Variants in HPSE2 observed in about 807,000 individuals in gnomAD.
HPSE2 encodes the protein heparanase 2 (inactive).
HPSE2 carries 38 observed loss-of-function variants against 60.5 expected under a neutral mutation model. The ratio of observed to expected loss-of-function variants is 0.63; its 90% CI spans 0.48 to 0.82. The LOEUF is 0.82. Ranked by LOEUF, HPSE2 falls within the 40% of genes least tolerant of loss-of-function variation. The pLI, the probability that HPSE2 is intolerant of heterozygous loss-of-function variation, is 0.00. For missense variants in HPSE2, 713 were observed against 740.4 expected, an observed-to-expected ratio of 0.96 and a Z score of 0.43; for synonymous variants, 295 against 293.2, an observed-to-expected ratio of 1.01 and a Z score of -0.06.
intron 3 of HPSE2, among the ~76,000 whole-genome samples, chr10:99,122,336 C>A (rs1461612517): frequency 6.6e-6 from 1 of 151,848 alleles, no homozygotes; most frequent in African/African-American, 2.4e-5. Context: ...TTTCAATCTT[C>A]TTTTGGGGAT....
At chr10:99,163,357 GAAATA>G (rs1457920156) in intron 2 of HPSE2, among the ~76,000 whole-genome samples, 3 of 151,920 alleles carry the variant, frequency 2.0e-5, no homozygotes, top group African/African-American at 7.3e-5. Context: ...TTTATTTAAA[GAAATA>G]AAATAGTTCA....
intron 6 of HPSE2, among the ~76,000 whole-genome samples, chr10:98,675,637 A>G (rs1298953116): frequency 6.6e-6 from 1 of 151,758 alleles, no homozygotes; most frequent in African/African-American, 2.4e-5. Context: ...CTGAGGTGGG[A>G]GGATAACTTA....
At chr10:98,475,337 G>A (rs895089268) in intron 11 of HPSE2, among the ~76,000 whole-genome samples, 1 of 152,074 alleles carries the variant, frequency 6.6e-6, no homozygotes, top group Non-Finnish European at 1.5e-5. Flanking sequence ...AGCCAGGATG[G>A]TCTTGATCTC....
At chr10:98,965,677 C>T (rs997378138) in intron 3 of HPSE2, among the ~76,000 whole-genome samples, 2 of 152,158 alleles carry the variant, frequency 1.3e-5, no homozygotes, top group African/African-American at 4.8e-5. Context: ...AACCTACCTA[C>T]TCTATGAAGT....
chr10:98,753,097 T>A (rs766210260), intron 3 of HPSE2, among the ~76,000 whole-genome samples: 31 of 152,236 alleles, frequency 2.0e-4, no homozygotes, highest in African/African-American at 7.2e-4. Context: ...TAATTACAGT[T>A]ACATAGGAGG....
At chr10:98,545,066 A>C (rs1017596554) in intron 9 of HPSE2, among the ~76,000 whole-genome samples, 2 of 152,202 alleles carry the variant, frequency 1.3e-5, no homozygotes, top group Non-Finnish European at 2.9e-5. Context: ...GAAATGGATA[A>C]ATTCCTCGAC....
intron 3 of HPSE2, among the ~76,000 whole-genome samples, chr10:98,773,938 T>G (rs1950291082): frequency 6.6e-6 from 1 of 152,044 alleles, no homozygotes; most frequent in African/African-American, 2.4e-5. Context: ...ATGCCTGTAG[T>G]TCCACCTACT....
intron 3 of HPSE2, among the ~76,000 whole-genome samples, chr10:98,762,005 C>G: frequency 6.7e-6 from 1 of 149,528 alleles, no homozygotes; most frequent in African/African-American, 2.5e-5. Context: ...CCTGTCTTCC[C>G]CTCCCCTCCC....
At chr10:98,815,813 TAG>T (rs773963511) in intron 3 of HPSE2, among the ~76,000 whole-genome samples, 1 of 152,020 alleles carries the variant, frequency 6.6e-6, no homozygotes, top group Non-Finnish European at 1.5e-5. Context: ...CGTTCTATGT[TAG>T]AGTTGGCCAA....
intron 3 of HPSE2, among the ~76,000 whole-genome samples, chr10:98,964,192 TTG>T (rs1354493065): frequency 2.0e-5 from 3 of 152,252 alleles, no homozygotes; most frequent in African/African-American, 4.8e-5. Context: ...TTTCCTAAAT[TTG>T]TGTCTTTTAT....
chr10:99,283,142 C>T, the HPSE2 span, among the ~76,000 whole-genome samples: 13 of 148,718 alleles, frequency 8.7e-5, no homozygotes, highest in Non-Finnish European at 1.2e-4. Flanking sequence ...GCCAAGATCA[C>T]GCCACTGCAC....
At chr10:99,287,479 G>T in the HPSE2 span, among the ~76,000 whole-genome samples, 2 of 152,142 alleles carry the variant, frequency 1.3e-5, no homozygotes, top group African/African-American at 4.8e-5. Context: ...CTCAGTCATT[G>T]GCTGGGAGCA....
chr10:98,580,072 C>A (rs1361500579), intron 9 of HPSE2, among the ~76,000 whole-genome samples: 1 of 152,200 alleles, frequency 6.6e-6, no homozygotes, highest in Non-Finnish European at 1.5e-5. Context: ...AACTAATTTT[C>A]AAAGTATTGC....
intron 3 of HPSE2, among the ~76,000 whole-genome samples, chr10:99,105,647 A>T (rs1444635806): frequency 6.6e-6 from 1 of 151,220 alleles, no homozygotes; most frequent in South Asian, 2.1e-4. Context: ...TAAATTTATC[A>T]TTTTTCTCAT....
chr10:98,719,920 G>T (rs895352331), intron 5 of HPSE2, among the ~76,000 whole-genome samples: 2 of 151,852 alleles, frequency 1.3e-5, no homozygotes, highest in African/African-American at 2.4e-5. Context: ...AGAATTGCTT[G>T]AACCCAGGAG....
At chr10:99,042,937 C>G (rs1480622905) in intron 3 of HPSE2, among the ~76,000 whole-genome samples, 2 of 152,256 alleles carry the variant, frequency 1.3e-5, no homozygotes, top group Non-Finnish European at 2.9e-5. Context: ...ACAACACCAC[C>G]AAAAATATTT....
intron 3 of HPSE2, among the ~76,000 whole-genome samples, chr10:99,132,210 AGAGAGAGAGAGAGAGAGAG>A (rs1564833029): frequency 1.4e-4 from 4 of 28,904 alleles, no homozygotes; most frequent in African/African-American, 1.7e-4. Context: ...AGAGAGAGAG[AGAGAGAGAGAGAGAGAGAG>A]AGAGAGAGAG....
intron 3 of HPSE2, among the ~76,000 whole-genome samples, chr10:98,972,412 T>G (rs901568166): frequency 6.6e-6 from 1 of 152,190 alleles, no homozygotes; most frequent in African/African-American, 2.4e-5. Flanking sequence ...GTTTCCTTTA[T>G]TGGCTGTGCT....
intron 5 of HPSE2, among the ~76,000 whole-genome samples, chr10:98,704,375 A>ATTGACATTT (rs1182008497): frequency 6.6e-6 from 1 of 152,038 alleles, no homozygotes; most frequent in African/African-American, 2.4e-5. Context: ...TCAAACTACC[A>ATTGACATTT]TTGACATTTT....
Sources: allele counts gnomAD v4.1 joint callset (sites outside exome capture counted in the v4.1 genomes callset), GRCh38; gene constraint gnomAD v4.1.1; transcripts MANE v1.5; gene names NCBI Gene and HGNC (gene_info 2026-07-23, HGNC 2026-07-21).